ALCAM: variants seen among roughly 807,000 people sequenced by gnomAD.
ALCAM encodes CD166 antigen.
In ALCAM, 30 loss-of-function variants were observed where a neutral mutation model predicts 70.9. The observed-to-expected ratio is 0.42, with a 90% confidence interval of 0.32 to 0.57. ALCAM has a LOEUF of 0.57. Ranked by LOEUF, ALCAM falls within the 20% of genes least tolerant of loss-of-function variation. ALCAM has a pLI of 0.11. For synonymous variants in ALCAM, 249 were observed against 242.5 expected (o/e 1.03, Z -0.25); for missense variants, 591 against 695.1 (o/e 0.85, Z 1.68).
At chr3:105,527,861 T>C (rs1005627732) in intron 3 of ALCAM, among the ~76,000 whole-genome samples, 8 of 151,442 alleles carry the variant, frequency 5.3e-5, no homozygotes, top group African/African-American at 1.9e-4. Context: ...TAAGTGTCTT[T>C]GCTTTCACCC....
At position 105,409,924 on chromosome 3, in the gene ALCAM, T is replaced by C. The variant is rs951762406; in HGVS notation, c.73+42443T>C. Among the ~76,000 whole-genome samples, 3 of 152,182 alleles carry C rather than the reference T, an allele frequency of 2.0e-5. No homozygotes were observed. In the South Asian group the frequency reaches 6.2e-4, roughly 32 times the overall value. The stretch of plus-strand genomic sequence containing the variant: ...CCCCTTTTGCAACATGTGCATAGCC[T>C]TCTCCATTATCAACATGCTCCATGA... On this transcript the variant is annotated intron_variant, in intron 1 of 15. Transcript: ENST00000306107.
chr3:105,570,527 A>G (rs1261293118), intron 14 of ALCAM, among the ~76,000 whole-genome samples: 2 of 152,186 alleles, frequency 1.3e-5, no homozygotes, highest in Admixed American at 1.3e-4. Context: ...ACAGAGAGGA[A>G]AAAGAACAGC....
At chr3:105,437,101 T>A (rs1195131925) in intron 1 of ALCAM, among the ~76,000 whole-genome samples, 2 of 152,222 alleles carry the variant, frequency 1.3e-5, no homozygotes, top group Non-Finnish European at 2.9e-5. Flanking sequence ...AGTGTATATG[T>A]TGACCTCTGG....
At chr3:105,406,242 G>GA in intron 1 of ALCAM, among the ~76,000 whole-genome samples, 1 of 152,216 alleles carries the variant, frequency 6.6e-6, no homozygotes, top group South Asian at 2.1e-4. Context: ...GAGGTTTGAG[G>GA]AGTTCTTCAG....
chr3:105,415,391 A>G (rs978518895), intron 1 of ALCAM, among the ~76,000 whole-genome samples: 3 of 152,190 alleles, frequency 2.0e-5, no homozygotes, highest in African/African-American at 7.2e-5. Flanking sequence ...AAAATTGTGT[A>G]AAGTAGAAGA....
chr3:105,413,343 G>A (rs962905040), intron 1 of ALCAM, among the ~76,000 whole-genome samples: 13 of 152,050 alleles, frequency 8.5e-5, no homozygotes, highest in African/African-American at 3.1e-4. Flanking sequence ...GGTTATATGT[G>A]TATATTTGTA....
intron 7 of ALCAM, among the ~76,000 whole-genome samples, chr3:105,540,858 CAT>C (rs949345135): frequency 2.0e-5 from 3 of 152,010 alleles, no homozygotes; most frequent in African/African-American, 7.2e-5. Context: ...TCATTCACTA[CAT>C]TATTCAGAAG....
At chr3:105,404,675 G>A (rs1298010676) in intron 1 of ALCAM, among the ~76,000 whole-genome samples, 6 of 147,468 alleles carry the variant, frequency 4.1e-5, no homozygotes, top group African/African-American at 7.5e-5. Flanking sequence ...ATAACACAAT[G>A]AAAAAAAAAA....
At chr3:105,493,448 T>A (rs1938644340) in intron 1 of ALCAM, among the ~76,000 whole-genome samples, 1 of 152,154 alleles carries the variant, frequency 6.6e-6, no homozygotes, top group African/African-American at 2.4e-5. Flanking sequence ...AAAATGACTT[T>A]ATGATGTGAT....
At chr3:105,496,549 G>C in intron 1 of ALCAM, among the ~76,000 whole-genome samples, 1 of 152,138 alleles carries the variant, frequency 6.6e-6, no homozygotes, top group East Asian at 1.9e-4. Flanking sequence ...TGCCTATTTT[G>C]TATCTCCCTC....
At chr3:105,545,581 C>T (rs1049910784) in intron 9 of ALCAM, among the ~76,000 whole-genome samples, 1 of 151,362 alleles carries the variant, frequency 6.6e-6, no homozygotes, top group South Asian at 2.1e-4. Context: ...TGTGTATATA[C>T]TAATTATACA....
chr3:105,401,532 T>C (rs1168320958), intron 1 of ALCAM, among the ~76,000 whole-genome samples: 1 of 152,220 alleles, frequency 6.6e-6, no homozygotes. Flanking sequence ...TTTTATCAAG[T>C]GTTTATATGT....
chr3:105,398,005 T>C (rs969524757), intron 1 of ALCAM, among the ~76,000 whole-genome samples: 1 of 152,060 alleles, frequency 6.6e-6, no homozygotes, highest in African/African-American at 2.4e-5. Flanking sequence ...GAAGCTTTTG[T>C]TTTGGTGGAA....
chr3:105,505,354 G>A (rs1418771980), intron 1 of ALCAM, among the ~76,000 whole-genome samples: 1 of 152,172 alleles, frequency 6.6e-6, no homozygotes, highest in Non-Finnish European at 1.5e-5. Context: ...CAGAGAAGGA[G>A]GAAGAGAGTG....
At chr3:105,467,684 G>A (rs1937786784) in intron 1 of ALCAM, among the ~76,000 whole-genome samples, 1 of 151,118 alleles carries the variant, frequency 6.6e-6, no homozygotes, top group African/African-American at 2.4e-5. Flanking sequence ...TTAGGGTGTG[G>A]TTTCTACATT....
At chr3:105,546,778 A>G (rs1940258424) in intron 9 of ALCAM, among the ~76,000 whole-genome samples, 1 of 151,434 alleles carries the variant, frequency 6.6e-6, no homozygotes, top group African/African-American at 2.4e-5. Context: ...AAGACCACAT[A>G]ATCTTAGGAT....
chr3:105,544,659 A>G (rs1278651863), intron 8 of ALCAM: 1 of 157,872 alleles, frequency 6.3e-6, no homozygotes, highest in Non-Finnish European at 1.4e-5. Flanking sequence ...ATTTTCTCAT[A>G]CAGATCAGAC....
intron 1 of ALCAM, among the ~76,000 whole-genome samples, chr3:105,450,859 G>A (rs73183186): frequency 0.1 from 15,416 of 152,038 alleles, 1,004 homozygotes; most frequent in Middle Eastern, 0.16. Flanking sequence ...TCAGATTTAA[G>A]GCATCCTGAG....
intron 4 of ALCAM, among the ~76,000 whole-genome samples, chr3:105,532,520 G>A (rs1939864465): frequency 6.6e-6 from 1 of 152,014 alleles, no homozygotes; most frequent in Non-Finnish European, 1.5e-5. Flanking sequence ...TGGTAAGGAG[G>A]ACTGCTTGAG....
Sources: gnomAD v4.1 joint callset for allele counts (sites outside exome capture counted in the v4.1 genomes callset) on GRCh38, gnomAD v4.1.1 for gene constraint, MANE v1.5 for transcripts, NCBI Gene and HGNC (gene_info 2026-07-23, HGNC 2026-07-21) for gene names.